DUSP22: variants seen among roughly 807,000 people sequenced by gnomAD.
DUSP22 encodes dual specificity protein phosphatase 22.
In DUSP22, 24 loss-of-function variants were observed where a neutral mutation model predicts 24.5. The observed-to-expected ratio is 0.98, with a 90% CI of 0.71 to 1.38. DUSP22 has a LOEUF of 1.38. Among genes scored for constraint, DUSP22 ranks in the 40% most tolerant of loss-of-function variants. The pLI, the probability that DUSP22 is intolerant of heterozygous loss-of-function variation, is 0.00. For synonymous variants in DUSP22, 160 were observed against 106.4 expected (o/e 1.50, Z -3.10); for missense variants, 330 against 269.2 (o/e 1.23, Z -1.58).
At chr6:310,631 G>A (rs528162073) in intron 2 of DUSP22, among the ~76,000 whole-genome samples, 23 of 152,410 alleles carry the variant, frequency 1.5e-4, no homozygotes, top group African/African-American at 2.9e-4. Flanking sequence ...TGCTTTTGAC[G>A]TCTGGGGAAA....
Position 311,915 on chromosome 6 carries a change from G to A in DUSP22, c.91G>A (p.Val31Met). 6.2e-7 allele frequency: 1 copy of A among 1,612,876 alleles called. No individual in the cohort carries two copies. Among genetic ancestry groups the A allele is most frequent in the South Asian group, 1.1e-5 (1 of 91,014 alleles). Reference protein sequence around the residue: ...RDAEQLSKNKVTHILSVHDSA... With the variant: ...RDAEQLSKNKMTHILSVHDSA... ...CGCGGAACAATTGAGCAAGAACAAG[G>A]TGACACATATTCTGTCTGTCCACGA... The change falls in exon 3 of 7, where the codon GTG (valine) becomes ATG (methionine). Residue 31 changes from valine to methionine, a missense_variant. Val to Met is a conservative substitution (Grantham distance 21). Transcript: ENST00000419235.
At chr6:337,769 C>A (rs1363002631) in intron 4 of DUSP22, among the ~76,000 whole-genome samples, 2 of 152,310 alleles carry the variant, frequency 1.3e-5, no homozygotes, top group Admixed American at 6.5e-5. Context: ...TCACCCCTCA[C>A]CTCCTCCTAC....
chr6:338,584 C>G (rs956602213), intron 4 of DUSP22, among the ~76,000 whole-genome samples: 5 of 152,304 alleles, frequency 3.3e-5, no homozygotes, highest in African/African-American at 1.2e-4. Flanking sequence ...GAAGTCTTAC[C>G]TGTCACTTGG....
At chr6:333,772 C>T (rs750960885) in intron 3 of DUSP22, among the ~76,000 whole-genome samples, 14 of 152,286 alleles carry the variant, frequency 9.2e-5, no homozygotes, top group South Asian at 6.2e-4. Flanking sequence ...GCTCTGCCCC[C>T]GCCCTGCGCC....
At chr6:345,743 A>T in intron 4 of DUSP22, 111 bp from the exon 5 acceptor site, 2 of 1,319,752 alleles carry the variant, frequency 1.5e-6, no homozygotes, top group Non-Finnish European at 2.1e-6. Flanking sequence ...TGTGTCAATT[A>T]TACAAAAAAA....
intron 3 of DUSP22, among the ~76,000 whole-genome samples, chr6:318,799 A>G (rs1009548745): frequency 1.9e-4 from 29 of 152,300 alleles, no homozygotes; most frequent in Non-Finnish European, 1.5e-4. Flanking sequence ...ATTGGAGCCA[A>G]CCCACATATT....
At chr6:334,683 C>T (rs1351849398) in intron 3 of DUSP22, among the ~76,000 whole-genome samples, 2 of 152,302 alleles carry the variant, frequency 1.3e-5, no homozygotes, top group African/African-American at 4.8e-5. Context: ...TGTAATGTGA[C>T]ATTATAGTTT....
At chr6:292,840 T>C (rs1332596838) in intron 1 of DUSP22, among the ~76,000 whole-genome samples, 3 of 152,356 alleles carry the variant, frequency 2.0e-5, no homozygotes, top group South Asian at 2.1e-4. Flanking sequence ...TTTGAAAGCG[T>C]TGACACTTGT....
chr6:318,628 G>A (rs979252030), intron 3 of DUSP22, among the ~76,000 whole-genome samples: 7 of 152,302 alleles, frequency 4.6e-5, no homozygotes, highest in Admixed American at 3.9e-4. Flanking sequence ...GGACCCCAGG[G>A]CCTTTCCTGT....
intron 2 of DUSP22, among the ~76,000 whole-genome samples, chr6:305,216 T>C (rs1159446024): frequency 5.3e-5 from 8 of 152,368 alleles, no homozygotes; most frequent in East Asian, 1.9e-4. Context: ...GTTCTGGGAG[T>C]GGCCCCCACT....
At chr6:320,857 G>A (rs947442398) in intron 3 of DUSP22, among the ~76,000 whole-genome samples, 8 of 152,304 alleles carry the variant, frequency 5.3e-5, no homozygotes, top group Admixed American at 2.0e-4. Context: ...TTTTGGCTAC[G>A]TTGGAAGTTG....
chr6:315,407 G>T (rs1758297905), intron 3 of DUSP22, among the ~76,000 whole-genome samples: 1 of 152,302 alleles, frequency 6.6e-6, no homozygotes, highest in African/African-American at 2.4e-5. Flanking sequence ...GGACTTGCCT[G>T]GGATTCCCAT....
Position 350,458 on chromosome 6 carries a change from C to T in DUSP22, c.*1507C>T. 8.8e-7 allele frequency: 1 copy of T among 1,142,660 alleles called. No homozygotes were observed. The highest frequency in any genetic ancestry group is 1.1e-6 in the Non-Finnish European group (1 of 926,962). 70.8% of individuals were successfully genotyped at this position (1,142,660 alleles called of 1,614,324 possible). ...GCAACCCAGTTTCTCTGAATTCCAC[C>T]ACAAAAAGAGACCCTGAATAAGAAG... is the stretch of plus-strand genomic sequence containing the variant. On this transcript the variant is annotated 3_prime_UTR_variant, in exon 7 of 7. Coordinates refer to ENST00000419235, the MANE Select transcript of DUSP22 (RefSeq NM_001286555.3).
At chr6:323,645 T>A (rs1758711396) in intron 3 of DUSP22, among the ~76,000 whole-genome samples, 1 of 152,302 alleles carries the variant, frequency 6.6e-6, no homozygotes, top group Non-Finnish European at 1.5e-5. Context: ...TTTGCCATCT[T>A]AGGATGGCTG....
Position 311,964 on chromosome 6 carries a change from T to C in DUSP22, c.138+2T>C. ...GATAGTGCCAGGCCTATGTTGGAGGTAAGAGAGCACCGTGGGGCGTGTGTG... is the reference window on the plus strand; with the variant it reads ...GATAGTGCCAGGCCTATGTTGGAGGCAAGAGAGCACCGTGGGGCGTGTGTG... On this transcript the variant is annotated splice_donor_variant, in intron 3 of 6. Coordinates refer to ENST00000419235, the MANE Select transcript of DUSP22 (RefSeq NM_001286555.3). LOFTEE classifies it high-confidence loss of function. 6.2e-7 allele frequency: 1 copy of C among 1,610,798 alleles called. No individual in the cohort carries two copies. The highest frequency in any genetic ancestry group is 2.2e-5 in the East Asian group (1 of 44,660).
intron 4 of DUSP22, among the ~76,000 whole-genome samples, chr6:335,453 C>A (rs1581182260): frequency 6.6e-6 from 1 of 152,304 alleles, no homozygotes; most frequent in Non-Finnish European, 1.5e-5. Flanking sequence ...TTAGTATGCT[C>A]ATCTTTCCTC....
At chr6:292,613 G>A in intron 1 of DUSP22, 53 bp downstream of exon 1, 1 of 1,569,468 alleles carries the variant, frequency 6.4e-7, no homozygotes. Context: ...ACGCCCTGCC[G>A]TCTCGCCGGC....
At chr6:313,366 G>T (rs1758194956) in intron 3 of DUSP22, among the ~76,000 whole-genome samples, 1 of 152,278 alleles carries the variant, frequency 6.6e-6, no homozygotes, top group South Asian at 2.1e-4. Flanking sequence ...TAGGAGATCT[G>T]CCAGGGTTAG....
intron 3 of DUSP22, among the ~76,000 whole-genome samples, chr6:323,630 G>A (rs781221521): frequency 1.4e-4 from 22 of 152,418 alleles, no homozygotes; most frequent in Middle Eastern, 3.4e-3. Flanking sequence ...CTCTTAGGGC[G>A]TCCCTTTGCC....
Sources: allele counts gnomAD v4.1 joint callset (sites outside exome capture counted in the v4.1 genomes callset), GRCh38; gene constraint gnomAD v4.1.1; transcripts MANE v1.5; gene names NCBI Gene and HGNC (gene_info 2026-07-23, HGNC 2026-07-21).